Variants in ECE1 observed in about 807,000 individuals in gnomAD.
ECE1 encodes endothelin-converting enzyme 1.
In ECE1, 35 loss-of-function variants were observed where a neutral mutation model predicts 98.6. The observed-to-expected ratio is 0.35, with a 90% confidence interval of 0.27 to 0.47. The LOEUF (loss-of-function observed/expected upper bound fraction) is 0.47. Ranked by LOEUF, ECE1 falls within the 20% of genes least tolerant of loss-of-function variation. The pLI is 1.00. For missense variants in ECE1, 814 were observed against 1,025.3 expected, an observed-to-expected ratio of 0.79 and a Z score of 2.81; for synonymous variants, 394 against 407.1, an observed-to-expected ratio of 0.97 and a Z score of 0.39.
chr1:21,329,329 C>T (rs1210364565), intron 1 of ECE1, among the ~76,000 whole-genome samples: 2 of 152,194 alleles, frequency 1.3e-5, no homozygotes, highest in African/African-American at 2.4e-5. Flanking sequence ...TTGCTACCGC[C>T]GACTTGCAAT....
In ECE1 at chr1:21,257,535, T is replaced by C. The variant is rs201107391; in HGVS notation, c.818A>G (p.Glu273Gly). 44 of 1,614,220 alleles carry C rather than the reference T, an allele frequency of 2.7e-5. No homozygotes were observed. In the East Asian group the frequency reaches 9.4e-4, roughly 34 times the overall value. Residue 273 changes from glutamate to glycine, a missense_variant, in exon 7 of 19, where the codon GAA becomes GGA. Physicochemically the swap from Glu to Gly is moderately conservative, Grantham distance 98. Transcript: ENST00000374893. Reference sequence around the variant, plus strand: ...GAGAGGCACGCTTACCTTCTCGTTTTCAGTTTTGTTCAGGTAATAGTCTCT... The same window carrying C: ...GAGAGGCACGCTTACCTTCTCGTTTCCAGTTTTGTTCAGGTAATAGTCTCT... ...PSRDYYLNKT[E>G]NEKVLTGYLN...
rs1028455099 is a variant in ECE1, at chr1:21,323,670, G to A, written c.3+21706C>T. ...AATAAAATAAAATAAAATAAAATAAGCCTTGCCTTCATGAAACTTATATGC... is the reference window on the plus strand; with the variant it reads ...AATAAAATAAAATAAAATAAAATAAACCTTGCCTTCATGAAACTTATATGC... On this transcript the variant is annotated intron_variant, in intron 1 of 18. Coordinates refer to the ECE1 transcript ENST00000415912. Among the ~76,000 whole-genome samples the A allele has an allele frequency of 8.2e-5, 12 of 145,532 alleles. No individual in the cohort carries two copies. In the East Asian group the frequency reaches 2.4e-3, roughly 29 times the overall value.
intron 5 of ECE1, among the ~76,000 whole-genome samples, chr1:21,259,618 C>T (rs981565934): frequency 5.3e-5 from 8 of 152,114 alleles, no homozygotes; most frequent in Admixed American, 2.6e-4. Context: ...TAGTCCCCAG[C>T]GCATGCAGCC....
chr1:21,234,220 T>C (rs1304647266), intron 13 of ECE1, among the ~76,000 whole-genome samples: 1 of 151,980 alleles, frequency 6.6e-6, no homozygotes, highest in African/African-American at 2.4e-5. Flanking sequence ...ACTCCTGACC[T>C]CAGGTGATCA....
At chr1:21,318,210 C>G (rs1638874357) in intron 1 of ECE1, among the ~76,000 whole-genome samples, 1 of 152,152 alleles carries the variant, frequency 6.6e-6, no homozygotes, top group Non-Finnish European at 1.5e-5. Context: ...GCAGGAGGCC[C>G]TCGTGTGGAC....
intron 3 of ECE1, 86 bp from the exon 4 acceptor site, chr1:21,272,997 C>A: frequency 7.0e-7 from 1 of 1,426,738 alleles, no homozygotes; most frequent in Non-Finnish European, 9.8e-7. Context: ...GGCCCAGGGG[C>A]CACATGTCCC....
At position 21,219,990 on chromosome 1, in the gene ECE1, G is replaced by T; in HGVS notation, c.2278C>A (p.Pro760Thr). 6.2e-7 allele frequency: 1 copy of T among 1,614,250 alleles called. No homozygotes were observed. The highest frequency in any genetic ancestry group is 2.2e-5 in the East Asian group (1 of 44,890). The change falls in exon 19 of 19, where the codon CCC (proline) becomes ACC (threonine). Residue 760 changes from proline to threonine, a missense_variant. Physicochemically the swap from Pro to Thr is conservative, Grantham distance 38. Around this residue, in one of 3 missense-constraint regions of ECE1, gnomAD observed 452 missense variants for 567.3 expected, o/e 0.80. Transcript: ENST00000374893. The surrounding 1 kb of genome is among the most constrained non-coding windows in gnomAD (Gnocchi z 4.5). ...TCGCACTTGTGAGGCGGGTTCATGG[G>T]TGAGCCAGGTGGGCAGCGGAAGTGT... ...SEHFRCPPGSPMNPPHKCEVW is the reference protein window; with the variant it reads ...SEHFRCPPGSTMNPPHKCEVW
At position 21,225,215 on chromosome 1, in the gene ECE1, T is replaced by C. The variant is rs758121072; in HGVS notation, c.2040+35A>G. 26 of 1,611,724 alleles carry C rather than the reference T, an allele frequency of 1.6e-5. No homozygotes were observed. In the African/African-American group the frequency reaches 2.7e-4, roughly 17 times the overall value. Reference sequence around the variant, plus strand: ...ACAGGCATCTGGAAGGAGCCAGCACTGGGACCGTGCGCGTGTGGGGAGCGG... The same window carrying C: ...ACAGGCATCTGGAAGGAGCCAGCACCGGGACCGTGCGCGTGTGGGGAGCGG... On this transcript the variant is annotated intron_variant, in intron 17 of 18. Transcript: ENST00000374893. This position sits in a 1 kb window ranked among gnomAD's most constrained non-coding sequence, Gnocchi z 5.3.
chr1:21,329,912 CT>C (rs1228783624), intron 1 of ECE1, among the ~76,000 whole-genome samples: 1 of 152,130 alleles, frequency 6.6e-6, no homozygotes, highest in East Asian at 1.9e-4. Context: ...AGAGTCTCAC[CT>C]CCCAAGGCTA....
chr1:21,265,098 C>G (rs1048828411), intron 4 of ECE1, among the ~76,000 whole-genome samples: 2 of 152,152 alleles, frequency 1.3e-5, no homozygotes, highest in Non-Finnish European at 2.9e-5. Flanking sequence ...ATGTAACTTC[C>G]ACAAGAAAAG....
intron 10 of ECE1, among the ~76,000 whole-genome samples, chr1:21,241,718 C>G (rs2098196636): frequency 6.6e-6 from 1 of 152,204 alleles, no homozygotes; most frequent in Non-Finnish European, 1.5e-5. Flanking sequence ...AGCCACCGCA[C>G]CCGGCCTGAG....
chr1:21,264,682 G>A (rs2098231646), intron 4 of ECE1, among the ~76,000 whole-genome samples: 1 of 152,176 alleles, frequency 6.6e-6, no homozygotes, highest in South Asian at 2.1e-4. Context: ...CTGCCCCCAG[G>A]AATTTATTCT....
At chr1:21,262,732 A>G (rs908636019) in intron 4 of ECE1, among the ~76,000 whole-genome samples, 4 of 152,190 alleles carry the variant, frequency 2.6e-5, no homozygotes, top group African/African-American at 7.2e-5. Flanking sequence ...TATCACCGGG[A>G]GGGAGAAGGA....
intron 1 of ECE1, among the ~76,000 whole-genome samples, chr1:21,305,426 A>G (rs1638574648): frequency 6.6e-6 from 1 of 152,198 alleles, no homozygotes; most frequent in African/African-American, 2.4e-5. Context: ...GGCCTCCGAC[A>G]ACTGTAAATG....
intron 14 of ECE1, 125 bp from the exon 15 acceptor site, chr1:21,228,166 A>G: frequency 4.5e-6 from 3 of 672,666 alleles, no homozygotes; most frequent in Non-Finnish European, 7.6e-6. Flanking sequence ...CCTTGACCCC[A>G]GGCCCAAGTG....
chr1:21,284,280 G>A (rs2098258213), intron 2 of ECE1, among the ~76,000 whole-genome samples: 1 of 152,210 alleles, frequency 6.6e-6, no homozygotes, highest in Admixed American at 6.5e-5. Flanking sequence ...AAGCAGCTTG[G>A]AGGGTAGGAG....
intron 16 of ECE1, 28 bp downstream of exon 16, chr1:21,227,131 A>T: frequency 6.2e-7 from 1 of 1,611,554 alleles, no homozygotes; most frequent in Non-Finnish European, 8.5e-7. Flanking sequence ...TACAGGCATG[A>T]GCCATCGTGC....
Position 21,272,707 on chromosome 1 carries a change from T to C in ECE1, c.485A>G (p.His162Arg), listed in dbSNP as rs767127514. 1 of 1,614,006 alleles carries C rather than the reference T, an allele frequency of 6.2e-7. No homozygotes were observed. Among genetic ancestry groups the C allele is most frequent in the South Asian group, 1.1e-5 (1 of 91,076 alleles). The change falls in exon 4 of 19, where the codon CAC becomes CGC. Residue 162 changes from histidine to arginine, a missense_variant. By Grantham distance (29) the His-to-Arg change is conservative (BLOSUM62 0). Around this residue, in one of 3 missense-constraint regions of ECE1, gnomAD observed 257 missense variants for 278.9 expected, o/e 0.92. Transcript: ENST00000374893. ...CCATGCTGGATGCTTACCGAGGAGGTGCTTGATGATTGCTTGGTTGTGTTC... is the reference window on the plus strand; with the variant it reads ...CCATGCTGGATGCTTACCGAGGAGGCGCTTGATGATTGCTTGGTTGTGTTC... ...LWEHNQAIIK[H>R]LLENSTASVS...
chr1:21,225,978 C>T lies in ECE1; in HGVS notation c.1850-538G>A, dbSNP rs28368035. 3.3e-5 allele frequency among the ~76,000 whole-genome samples: 5 copies of T among 151,944 alleles called. No homozygotes were observed. The highest frequency in any genetic ancestry group is 4.8e-5 in the African/African-American group (2 of 41,454). On this transcript the variant is annotated intron_variant, in intron 16 of 18. Coordinates refer to ENST00000374893, the MANE Select transcript of ECE1 (RefSeq NM_001397.3). This position sits in a 1 kb window ranked among gnomAD's most constrained non-coding sequence, Gnocchi z 5.3. ...CCAAAGTGCTGGGATTACAGGTGTG[C>T]GTCACCGTGCCTGGCTTATTTTCAA...
Sources: allele counts gnomAD v4.1 joint callset (sites outside exome capture counted in the v4.1 genomes callset), GRCh38; gene constraint gnomAD v4.1.1; regional missense constraint gnomAD v4.1.1; non-coding constraint Gnocchi (gnomAD v3.1); transcripts MANE v1.5; gene names NCBI Gene and HGNC (gene_info 2026-07-23, HGNC 2026-07-21).